PCDH11X: variants seen among roughly 807,000 people sequenced by gnomAD.
The protein encoded by PCDH11X is protocadherin-11 X-linked.
PCDH11X carries 18 observed loss-of-function variants against 53.3 expected under a neutral mutation model. That is an observed-to-expected ratio of 0.34 (90% confidence interval 0.23 to 0.50). PCDH11X has a LOEUF of 0.50. Ranked by LOEUF, PCDH11X falls within the 20% of genes least tolerant of loss-of-function variation. PCDH11X has a pLI of 0.98. For synonymous variants in PCDH11X, 279 were observed against 393.3 expected (o/e 0.71, Z 3.44); for missense variants, 570 against 1,032.4 (o/e 0.55, Z 6.14).
chrX:92,571,400 TTAAAA>T (rs1344997041), intron 10 of PCDH11X, among the ~76,000 whole-genome samples: 1 of 110,995 alleles, frequency 9.0e-6, no homozygotes, highest in Non-Finnish European at 1.9e-5. Flanking sequence ...AAATAACACT[TTAAAA>T]TAAAATAATA....
chrX:92,049,814 T>C (rs1355454232), intron 6 of PCDH11X, among the ~76,000 whole-genome samples: 3 of 111,690 alleles, frequency 2.7e-5, no homozygotes. Context: ...CGCTTTGCTG[T>C]CCAGTCTGGA....
chrX:92,219,251 C>A (rs1402595479), intron 7 of PCDH11X, among the ~76,000 whole-genome samples: 23 of 110,783 alleles, frequency 2.1e-4, no homozygotes, highest in Admixed American at 1.8e-3. Flanking sequence ...AAGAGGAAGT[C>A]AAATTGTCCC....
chrX:92,209,425 A>G (rs765692419), intron 7 of PCDH11X, among the ~76,000 whole-genome samples: 10 of 112,356 alleles, frequency 8.9e-5, no homozygotes, highest in African/African-American at 3.2e-4. Context: ...CGCAAGTCCA[A>G]AACCCAGCAG....
intron 8 of PCDH11X, among the ~76,000 whole-genome samples, chrX:92,313,878 A>G (rs2069013467): frequency 9.0e-6 from 1 of 111,635 alleles, no homozygotes; most frequent in Admixed American, 9.6e-5. Flanking sequence ...GTACACTCAT[A>G]TAGGGCAATT....
intron 8 of PCDH11X, among the ~76,000 whole-genome samples, chrX:92,277,371 T>C (rs2068122377): frequency 9.0e-6 from 1 of 111,031 alleles, no homozygotes; most frequent in Non-Finnish European, 1.9e-5. Context: ...TACTGTCAAG[T>C]TTATATTGGG....
intron 5 of PCDH11X, among the ~76,000 whole-genome samples, chrX:91,857,256 AC>A (rs1303995366): frequency 1.8e-5 from 2 of 110,797 alleles, no homozygotes; most frequent in African/African-American, 3.3e-5. Context: ...CAAGAACAGC[AC>A]AGGAAAGAAA....
At chrX:92,143,838 G>A (rs192689872) in intron 6 of PCDH11X, among the ~76,000 whole-genome samples, 30 of 111,490 alleles carry the variant, frequency 2.7e-4, no homozygotes, top group East Asian at 2.3e-3. Flanking sequence ...TGGAAAAGCC[G>A]CAGACACTCA....
At chrX:91,892,814 C>A (rs747846131) in intron 6 of PCDH11X, among the ~76,000 whole-genome samples, 105 of 108,700 alleles carry the variant, frequency 9.7e-4, no homozygotes, top group African/African-American at 3.3e-3. Context: ...CAATTTCAGG[C>A]TAATTTTTGT....
At chrX:92,336,027 C>T (rs1410181101) in intron 8 of PCDH11X, among the ~76,000 whole-genome samples, 1 of 111,099 alleles carries the variant, frequency 9.0e-6, no homozygotes, top group Non-Finnish European at 1.9e-5. Flanking sequence ...ATGACACCTA[C>T]CACAAGAGAA....
intron 8 of PCDH11X, among the ~76,000 whole-genome samples, chrX:92,375,732 C>G (rs2070738061): frequency 1.8e-5 from 2 of 108,438 alleles, no homozygotes; most frequent in Admixed American, 2.0e-4. Context: ...TCAAGCAGTT[C>G]CCTGCCACAG....
intron 10 of PCDH11X, among the ~76,000 whole-genome samples, chrX:92,593,918 AT>A (rs1433684522): frequency 1.1e-5 from 1 of 94,989 alleles, no homozygotes. Context: ...TTTATTAATA[AT>A]TGGGTTTAAC....
intron 8 of PCDH11X, among the ~76,000 whole-genome samples, chrX:92,351,416 C>A (rs1031040428): frequency 1.8e-5 from 2 of 111,298 alleles, no homozygotes; most frequent in African/African-American, 6.5e-5. Context: ...ATCACCTGAA[C>A]CTATGGGGTA....
At chrX:91,922,478 G>T (rs12859865) in intron 6 of PCDH11X, among the ~76,000 whole-genome samples, 4 of 110,997 alleles carry the variant, frequency 3.6e-5, no homozygotes, top group African/African-American at 1.3e-4. Flanking sequence ...TGACCTGTTA[G>T]GAACTGGGGC....
At chrX:92,217,085 C>T (rs1413335187) in intron 7 of PCDH11X, among the ~76,000 whole-genome samples, 10 of 111,225 alleles carry the variant, frequency 9.0e-5, no homozygotes, top group Admixed American at 2.9e-4. Context: ...CCGGTACCAG[C>T]CACTGCAAAA....
At chrX:92,421,654 A>G (rs1353435154) in intron 9 of PCDH11X, among the ~76,000 whole-genome samples, 41 of 111,867 alleles carry the variant, frequency 3.7e-4, no homozygotes, top group Admixed American at 3.4e-3. Context: ...GTCAAACGGT[A>G]ATTCTACTTT....
chrX:92,064,348 A>G (rs915156038), intron 6 of PCDH11X, among the ~76,000 whole-genome samples: 36 of 110,545 alleles, frequency 3.3e-4, no homozygotes, highest in African/African-American at 1.2e-3. Flanking sequence ...TCTTCTAAAA[A>G]TCTAACTTTA....
chrX:92,064,529 G>A (rs187400876), intron 6 of PCDH11X, among the ~76,000 whole-genome samples: 7,263 of 66,894 alleles, frequency 0.11, 541 homozygotes, highest in African/African-American at 0.32. Context: ...TAAATAAATA[G>A]TTTTGTCATG....
chrX:91,897,373 C>T (rs1940788364), intron 6 of PCDH11X, among the ~76,000 whole-genome samples: 1 of 108,504 alleles, frequency 9.2e-6, no homozygotes, highest in Non-Finnish European at 1.9e-5. Flanking sequence ...ATATGCATCA[C>T]CAAATCTAAG....
intron 9 of PCDH11X, among the ~76,000 whole-genome samples, chrX:92,455,633 A>G (rs1264881186): frequency 5.9e-4 from 19 of 32,460 alleles, no homozygotes; most frequent in Non-Finnish European, 9.9e-4. Flanking sequence ...CAGTTTAATG[A>G]AAATTTAAAA....
Sources: gnomAD v4.1 joint callset for allele counts (sites outside exome capture counted in the v4.1 genomes callset) on GRCh38, gnomAD v4.1.1 for gene constraint, MANE v1.5 for transcripts, NCBI Gene and HGNC (gene_info 2026-07-23, HGNC 2026-07-21) for gene names.